SAMTOR: variants seen among roughly 807,000 people sequenced by gnomAD.
The protein encoded by SAMTOR is S-adenosylmethionine sensor upstream of mTORC1, also known as UPF0532 protein C7orf60.
chr7:112,833,705 T>C, the SAMTOR span, among the ~76,000 whole-genome samples: 1 of 152,204 alleles, frequency 6.6e-6, no homozygotes, highest in African/African-American at 2.4e-5. Context: ...CCATTCAAGT[T>C]ACTTCAACAT....
chr7:112,825,097 C>T, the SAMTOR span, among the ~76,000 whole-genome samples: 3 of 152,168 alleles, frequency 2.0e-5, no homozygotes, highest in African/African-American at 4.8e-5. Flanking sequence ...TCTTAGCTCA[C>T]TGCAACCTCC....
At chr7:112,899,789 GA>G in the SAMTOR span, among the ~76,000 whole-genome samples, 280 of 113,288 alleles carry the variant, frequency 2.5e-3, 5 homozygotes, top group Middle Eastern at 0.01. Flanking sequence ...TGTGCTGAAG[GA>G]AAAAAAAAAA....
the SAMTOR span, chr7:112,939,854 G>A: frequency 8.4e-4 from 731 of 866,726 alleles, no homozygotes; most frequent in Admixed American, 3.6e-3. Context: ...GCAGCCAGAG[G>A]AGGCAGAGGA....
chr7:112,884,824 G>A, the SAMTOR span, among the ~76,000 whole-genome samples: 50 of 152,312 alleles, frequency 3.3e-4, 2 homozygotes, highest in South Asian at 0.01. Context: ...GCTAGGCAGT[G>A]CCCCAGTAGG....
chr7:112,876,197 C>T, the SAMTOR span, among the ~76,000 whole-genome samples: 5 of 152,078 alleles, frequency 3.3e-5, no homozygotes, highest in Admixed American at 1.3e-4. Flanking sequence ...CGGCCTCAAG[C>T]GATCTGCCTG....
chr7:112,873,907 A>C, the SAMTOR span, among the ~76,000 whole-genome samples: 1 of 152,166 alleles, frequency 6.6e-6, no homozygotes, highest in African/African-American at 2.4e-5. Context: ...ACATGAACAG[A>C]TATTTAATAG....
chr7:112,872,667 A>T, the SAMTOR span, among the ~76,000 whole-genome samples: 1 of 152,166 alleles, frequency 6.6e-6, no homozygotes, highest in African/African-American at 2.4e-5. Flanking sequence ...GCATCCAAAT[A>T]GGAAGAGAGG....
chr7:112,831,147 A>G, the SAMTOR span, among the ~76,000 whole-genome samples: 1 of 152,232 alleles, frequency 6.6e-6, no homozygotes, highest in Non-Finnish European at 1.5e-5. Context: ...TACTTTAAAA[A>G]TAACATTAAA....
chr7:112,923,600 G>A, the SAMTOR span, among the ~76,000 whole-genome samples: 6 of 152,304 alleles, frequency 3.9e-5, no homozygotes, highest in South Asian at 6.2e-4. Context: ...TGGTGGGACT[G>A]TAAACTAGTT....
the SAMTOR span, among the ~76,000 whole-genome samples, chr7:112,858,354 C>T: frequency 6.6e-6 from 1 of 150,876 alleles, no homozygotes. Context: ...GAAGACCACA[C>T]TAGATACAGA....
the SAMTOR span, chr7:112,820,442 G>GT: frequency 6.6e-6 from 1 of 152,084 alleles, no homozygotes; most frequent in Non-Finnish European, 1.5e-5. Flanking sequence ...AAAAACCTCA[G>GT]TATGAGGTAA....
At chr7:112,919,127 C>A in the SAMTOR span, among the ~76,000 whole-genome samples, 1 of 152,174 alleles carries the variant, frequency 6.6e-6, no homozygotes, top group Non-Finnish European at 1.5e-5. Context: ...CTCTCCACCC[C>A]AAATCAACAG....
the SAMTOR span, among the ~76,000 whole-genome samples, chr7:112,865,286 CTCTT>C: frequency 6.6e-6 from 1 of 151,520 alleles, no homozygotes; most frequent in African/African-American, 2.4e-5. Context: ...CCCCATCTCT[CTCTT>C]TTTTTTGAGA....
At chr7:112,849,112 C>T in the SAMTOR span, among the ~76,000 whole-genome samples, 5 of 150,814 alleles carry the variant, frequency 3.3e-5, no homozygotes, top group African/African-American at 7.3e-5. Flanking sequence ...CTTAACATTG[C>T]TTTAAAACTC....
chr7:112,906,627 G>C, the SAMTOR span, among the ~76,000 whole-genome samples: 9 of 149,446 alleles, frequency 6.0e-5, no homozygotes, highest in South Asian at 1.5e-3. Flanking sequence ...GGAGTGCAGT[G>C]GTGCGATCTT....
chr7:112,844,250 A>G, the SAMTOR span, among the ~76,000 whole-genome samples: 1 of 152,184 alleles, frequency 6.6e-6, no homozygotes, highest in Non-Finnish European at 1.5e-5. Context: ...CTCCTATTCA[A>G]CATAGTACTG....
At chr7:112,823,696 G>A in the SAMTOR span, among the ~76,000 whole-genome samples, 1 of 152,132 alleles carries the variant, frequency 6.6e-6, no homozygotes, top group Non-Finnish European at 1.5e-5. Context: ...TGGGTGGCTA[G>A]ATCATACAGT....
At chr7:112,911,327 C>A in the SAMTOR span, among the ~76,000 whole-genome samples, 1 of 152,170 alleles carries the variant, frequency 6.6e-6, no homozygotes, top group South Asian at 2.1e-4. Flanking sequence ...GATTCATTCA[C>A]TATCAAAGCA....
At chr7:112,822,394 G>GC in the SAMTOR span, 10 of 1,553,698 alleles carry the variant, frequency 6.4e-6, no homozygotes, top group Non-Finnish European at 8.7e-6. Context: ...AGAAAACAAG[G>GC]CATATTAAGA....
Sources: allele counts gnomAD v4.1 joint callset (sites outside exome capture counted in the v4.1 genomes callset), GRCh38; gene constraint gnomAD v4.1.1; transcripts MANE v1.5; gene names NCBI Gene and HGNC (gene_info 2026-07-23, HGNC 2026-07-21).